Variants in GPC6 observed in about 807,000 individuals in gnomAD.
The protein encoded by GPC6 is glypican 6, also known as glypican-6.
Under a neutral mutation model 55.2 loss-of-function variants are expected in GPC6, and 14 were observed. The observed-to-expected ratio is 0.25, with a 90% CI of 0.17 to 0.40. GPC6 has a LOEUF of 0.40. Among genes scored for constraint, GPC6 ranks in the 10% least tolerant of loss-of-function variants. GPC6 has a pLI of 1.00. For synonymous variants in GPC6, 278 were observed against 259.6 expected (o/e 1.07, Z -0.68); for missense variants, 641 against 708.5 (o/e 0.90, Z 1.08).
At chr13:93,554,742 A>G (rs1446382594) in intron 2 of GPC6, among the ~76,000 whole-genome samples, 1 of 152,198 alleles carries the variant, frequency 6.6e-6, no homozygotes, top group Non-Finnish European at 1.5e-5. Context: ...CATTCCAAGC[A>G]TTCCCTTAGA....
chr13:93,989,057 TA>T (rs1289097364), intron 3 of GPC6, among the ~76,000 whole-genome samples: 1 of 152,128 alleles, frequency 6.6e-6, no homozygotes, highest in Non-Finnish European at 1.5e-5. Flanking sequence ...AGTAGGAAAC[TA>T]AAATGCTTTT....
intron 6 of GPC6, among the ~76,000 whole-genome samples, chr13:94,355,274 C>T (rs543415512): frequency 1.3e-5 from 2 of 151,242 alleles, no homozygotes; most frequent in East Asian, 2.0e-4. Context: ...CCTCCCGCGT[C>T]GGCCTCCCAA....
At chr13:93,847,756 G>A (rs997192632) in intron 3 of GPC6, among the ~76,000 whole-genome samples, 8 of 151,732 alleles carry the variant, frequency 5.3e-5, no homozygotes, top group Non-Finnish European at 7.4e-5. Context: ...TACTTTCACC[G>A]CCATGCTGCA....
intron 4 of GPC6, among the ~76,000 whole-genome samples, chr13:94,215,699 T>C (rs536493734): frequency 3.1e-4 from 47 of 152,238 alleles, no homozygotes; most frequent in Admixed American, 9.2e-4. Flanking sequence ...TTTCATTACA[T>C]TGAAGGGAAA....
intron 4 of GPC6, among the ~76,000 whole-genome samples, chr13:94,242,375 C>G (rs1286855766): frequency 1.3e-5 from 2 of 151,880 alleles, no homozygotes; most frequent in Non-Finnish European, 2.9e-5. Context: ...GCCATTTGAC[C>G]CAGCCATCCC....
At chr13:93,864,058 G>A (rs1888891448) in intron 3 of GPC6, among the ~76,000 whole-genome samples, 1 of 151,744 alleles carries the variant, frequency 6.6e-6, no homozygotes, top group East Asian at 2.0e-4. Flanking sequence ...TCAATTTAAT[G>A]AGTAAAATTT....
chr13:94,143,273 G>A (rs149333319), intron 4 of GPC6, among the ~76,000 whole-genome samples: 164 of 152,104 alleles, frequency 1.1e-3, no homozygotes, highest in Non-Finnish European at 1.4e-3. Flanking sequence ...GTTATTTTTC[G>A]TTGGACTTTT....
At chr13:93,231,475 T>A (rs1342425635) in intron 1 of GPC6, among the ~76,000 whole-genome samples, 1 of 147,354 alleles carries the variant, frequency 6.8e-6, no homozygotes, top group Non-Finnish European at 1.5e-5. Flanking sequence ...TACATATATG[T>A]ATCCCTTCCA....
At chr13:93,485,557 C>A (rs961526112) in intron 1 of GPC6, among the ~76,000 whole-genome samples, 5 of 152,166 alleles carry the variant, frequency 3.3e-5, no homozygotes, top group African/African-American at 1.2e-4. Context: ...TTTAGTCCCC[C>A]AAAGTTTCTT....
chr13:93,543,490 T>G (rs955180253), intron 1 of GPC6, among the ~76,000 whole-genome samples: 3 of 151,970 alleles, frequency 2.0e-5, no homozygotes. Flanking sequence ...ATTCTCTTTT[T>G]TGGTTGTGTG....
At position 93,392,382 on chromosome 13, in the gene GPC6, C is replaced by T. The variant is rs534402297; in HGVS notation, c.161-152881C>T. 3.9e-5 allele frequency among the ~76,000 whole-genome samples: 6 copies of T among 152,306 alleles called. No individual in the cohort carries two copies. In the South Asian group the frequency reaches 1.0e-3, roughly 26 times the overall value. ...CGGAAACAATGAAACTCCATCCTGC[C>T]TTTTCTTAAAAGATATTTGCACAAA... On this transcript the variant is annotated intron_variant, in intron 1 of 8. Coordinates refer to ENST00000377047, the MANE Select transcript of GPC6 (RefSeq NM_005708.5).
chr13:93,651,008 C>A (rs1465941336), intron 2 of GPC6, among the ~76,000 whole-genome samples: 3 of 151,980 alleles, frequency 2.0e-5, no homozygotes, highest in Non-Finnish European at 2.9e-5. Flanking sequence ...TGTGAAAAAC[C>A]AAAGAAGCCC....
chr13:93,446,955 A>G (rs1878027977), intron 1 of GPC6, among the ~76,000 whole-genome samples: 1 of 151,510 alleles, frequency 6.6e-6, no homozygotes, highest in South Asian at 2.1e-4. Context: ...GTATTTTACT[A>G]ATTTTTTTGG....
At chr13:94,211,135 T>C (rs1034903558) in intron 4 of GPC6, among the ~76,000 whole-genome samples, 2 of 152,322 alleles carry the variant, frequency 1.3e-5, no homozygotes, top group South Asian at 2.1e-4. Context: ...ATTTGGCTCA[T>C]GGGTTTGGGT....
chr13:93,842,966 T>C (rs1888008708), intron 3 of GPC6, among the ~76,000 whole-genome samples: 1 of 152,100 alleles, frequency 6.6e-6, no homozygotes, highest in South Asian at 2.1e-4. Flanking sequence ...AAGTTTTATT[T>C]CTAGTATATC....
chr13:93,691,791 G>T (rs909513923), intron 2 of GPC6, among the ~76,000 whole-genome samples: 1 of 151,964 alleles, frequency 6.6e-6, no homozygotes, highest in African/African-American at 2.4e-5. Flanking sequence ...CTTTAAAAAG[G>T]ATCTTATATG....
At chr13:94,131,037 C>A (rs2138865897) in intron 4 of GPC6, among the ~76,000 whole-genome samples, 1 of 152,166 alleles carries the variant, frequency 6.6e-6, no homozygotes, top group Admixed American at 6.5e-5. Flanking sequence ...CAATCCAACT[C>A]CTATAAATAT....
intron 4 of GPC6, among the ~76,000 whole-genome samples, chr13:94,133,815 C>G (rs1887090345): frequency 6.6e-6 from 1 of 151,892 alleles, no homozygotes; most frequent in Admixed American, 6.6e-5. Flanking sequence ...GACAGGAGGC[C>G]AGATTTGAGC....
chr13:94,028,824 C>T (rs1018872042), intron 4 of GPC6, among the ~76,000 whole-genome samples: 18 of 152,250 alleles, frequency 1.2e-4, no homozygotes, highest in African/African-American at 4.3e-4. Flanking sequence ...AGACAGTTCA[C>T]AAATTGCCAT....
Sources: allele counts gnomAD v4.1 joint callset (sites outside exome capture counted in the v4.1 genomes callset), GRCh38; gene constraint gnomAD v4.1.1; transcripts MANE v1.5; gene names NCBI Gene and HGNC (gene_info 2026-07-23, HGNC 2026-07-21).